ANKS1B: variants seen among roughly 807,000 people sequenced by gnomAD.
The protein encoded by ANKS1B is ankyrin repeat and sterile alpha motif domain-containing protein 1B.
Under a neutral mutation model 148.3 loss-of-function variants are expected in ANKS1B, and 36 were observed. The observed-to-expected ratio is 0.24, with a 90% CI of 0.19 to 0.32. The LOEUF is 0.32. Among genes scored for constraint, ANKS1B ranks in the 10% least tolerant of loss-of-function variants. The pLI is 1.00. For synonymous variants in ANKS1B, 542 were observed against 560.8 expected (o/e 0.97, Z 0.47); for missense variants, 1,157 against 1,542.6 (o/e 0.75, Z 4.19).
intron 12 of ANKS1B, among the ~76,000 whole-genome samples, chr12:99,297,098 A>G (rs2080975034): frequency 6.6e-6 from 1 of 152,198 alleles, no homozygotes; most frequent in Admixed American, 6.6e-5. Flanking sequence ...AGGAATGTGA[A>G]TATCTAGAAC....
intron 9 of ANKS1B, among the ~76,000 whole-genome samples, chr12:99,578,398 A>G (rs1176018483): frequency 6.6e-6 from 1 of 152,104 alleles, no homozygotes; most frequent in Non-Finnish European, 1.5e-5. Flanking sequence ...CATCCAAATA[A>G]AAGGAGAGGA....
chr12:99,170,230 G>A (rs1172321777), intron 14 of ANKS1B, among the ~76,000 whole-genome samples: 5 of 152,232 alleles, frequency 3.3e-5, no homozygotes, highest in Non-Finnish European at 7.3e-5. Flanking sequence ...GGTCTGCAAT[G>A]CATGGATGCC....
chr12:99,007,071 T>G (rs959622247), intron 17 of ANKS1B, among the ~76,000 whole-genome samples: 1 of 152,170 alleles, frequency 6.6e-6, no homozygotes, highest in Non-Finnish European at 1.5e-5. Flanking sequence ...AAAAATCAGT[T>G]AGGAATTTTC....
At chr12:99,154,746 G>C in intron 14 of ANKS1B, 1 of 1,440,826 alleles carries the variant, frequency 6.9e-7, no homozygotes, top group Non-Finnish European at 9.1e-7. Flanking sequence ...GATTGTTGGA[G>C]TACTCCACAA....
intron 9 of ANKS1B, among the ~76,000 whole-genome samples, chr12:99,508,216 A>T (rs1159493559): frequency 6.6e-6 from 1 of 151,814 alleles, no homozygotes; most frequent in Non-Finnish European, 1.5e-5. Context: ...CTGACAATGG[A>T]CTTTTAAATG....
chr12:99,327,579 C>T (rs1458128138), intron 12 of ANKS1B, among the ~76,000 whole-genome samples: 1 of 146,664 alleles, frequency 6.8e-6, no homozygotes, highest in Non-Finnish European at 1.5e-5. Context: ...AGGACATATC[C>T]CCATTATTAA....
chr12:99,924,320 C>T (rs2094434984), intron 1 of ANKS1B, among the ~76,000 whole-genome samples: 1 of 94,344 alleles, frequency 1.1e-5, no homozygotes, highest in Non-Finnish European at 2.4e-5. Flanking sequence ...ACACTGGAAG[C>T]ATGTATAATG....
At chr12:99,415,975 G>A (rs577346585) in intron 11 of ANKS1B, among the ~76,000 whole-genome samples, 19 of 152,174 alleles carry the variant, frequency 1.2e-4, no homozygotes, top group African/African-American at 4.1e-4. Flanking sequence ...GAACCACCGC[G>A]CCAGGCCCCA....
chr12:99,450,337 C>T (rs752991997), intron 10 of ANKS1B, among the ~76,000 whole-genome samples: 21 of 152,304 alleles, frequency 1.4e-4, no homozygotes, highest in Middle Eastern at 3.4e-3. Context: ...TCCAAAAACA[C>T]CTTCACAGAT....
chr12:99,940,207 C>T (rs1370974396), intron 1 of ANKS1B, among the ~76,000 whole-genome samples: 1 of 152,078 alleles, frequency 6.6e-6, no homozygotes, highest in Admixed American at 6.6e-5. Context: ...ATCTATACTC[C>T]CACAATGCCT....
chr12:99,084,614 A>G (rs1197630557), intron 16 of ANKS1B, among the ~76,000 whole-genome samples: 1 of 152,166 alleles, frequency 6.6e-6, no homozygotes, highest in Non-Finnish European at 1.5e-5. Context: ...GCTACTCAGG[A>G]AGATGAAGCA....
intron 12 of ANKS1B, among the ~76,000 whole-genome samples, chr12:99,266,228 T>C (rs569607809): frequency 8.5e-5 from 13 of 152,306 alleles, no homozygotes; most frequent in African/African-American, 2.9e-4. Context: ...GTTTTATTAC[T>C]GTCATTTTCC....
At chr12:98,926,806 C>T (rs939924000) in intron 17 of ANKS1B, among the ~76,000 whole-genome samples, 2 of 150,988 alleles carry the variant, frequency 1.3e-5, no homozygotes, top group Non-Finnish European at 3.0e-5. Flanking sequence ...GAATAAAGGC[C>T]AATTGAGATG....
At chr12:98,911,895 C>G (rs1212545241) in intron 17 of ANKS1B, among the ~76,000 whole-genome samples, 1 of 152,196 alleles carries the variant, frequency 6.6e-6, no homozygotes, top group Non-Finnish European at 1.5e-5. Context: ...TCTCCTCAAT[C>G]AAACCCTTTC....
Position 99,185,768 on chromosome 12 carries a change from G to C in ANKS1B, c.2420-31373C>G, listed in dbSNP as rs567025492. Among the ~76,000 whole-genome samples, 133 of 152,342 alleles carry C rather than the reference G, an allele frequency of 8.7e-4. 1 individual carries two copies. Among genetic ancestry groups the C allele is most frequent in the African/African-American group, 3.1e-3 (128 of 41,580 alleles). On this transcript the variant is annotated intron_variant, in intron 14 of 26. Coordinates refer to ENST00000683438, the MANE Select transcript of ANKS1B (RefSeq NM_001352186.2). ...ACCTGCAGACCAGGAGATTCCTCCA[G>C]TGCCTATGCCACAAGGGCCCTGGGT...
chr12:99,925,926 T>C (rs2094467939), intron 1 of ANKS1B, among the ~76,000 whole-genome samples: 1 of 152,134 alleles, frequency 6.6e-6, no homozygotes, highest in African/African-American at 2.4e-5. Flanking sequence ...CTCATCTAAC[T>C]CAATAGCTGT....
chr12:99,412,255 C>G (rs921444658), intron 11 of ANKS1B, among the ~76,000 whole-genome samples: 2 of 151,960 alleles, frequency 1.3e-5, no homozygotes, highest in South Asian at 2.1e-4. Context: ...TTAATTTTTC[C>G]TCAACCATCT....
chr12:99,365,053 A>G (rs2092692868), intron 12 of ANKS1B, among the ~76,000 whole-genome samples: 1 of 152,190 alleles, frequency 6.6e-6, no homozygotes, highest in Non-Finnish European at 1.5e-5. Flanking sequence ...GAAGAGTCTT[A>G]CCGGAAAACA....
intron 12 of ANKS1B, among the ~76,000 whole-genome samples, chr12:99,362,443 C>G (rs893772244): frequency 6.6e-6 from 1 of 151,912 alleles, no homozygotes. Flanking sequence ...AACTAAGTGG[C>G]TAAAGGTCAG....
Sources: allele counts gnomAD v4.1 joint callset (sites outside exome capture counted in the v4.1 genomes callset), GRCh38; gene constraint gnomAD v4.1.1; transcripts MANE v1.5; gene names NCBI Gene and HGNC (gene_info 2026-07-23, HGNC 2026-07-21).